Variants in LRP2 observed in about 807,000 individuals in gnomAD.
The protein encoded by LRP2 is low-density lipoprotein receptor-related protein 2.
A neutral mutation model predicts 531.0 loss-of-function variants in LRP2; 172 were observed. That is an observed-to-expected ratio of 0.32 (90% CI 0.29 to 0.37). LRP2 has a LOEUF of 0.37. LRP2 is among the 10% of genes least tolerant of loss of function. LRP2 has a pLI of 1.00. For missense variants in LRP2, 5,167 were observed against 5,868.3 expected, an observed-to-expected ratio of 0.88 and a Z score of 3.90; for synonymous variants, 1,992 against 2,027.6, an observed-to-expected ratio of 0.98 and a Z score of 0.47.
chr2:169,328,475 G>GAAATAAAT (rs1246710562), intron 1 of LRP2, among the ~76,000 whole-genome samples: 4 of 129,534 alleles, frequency 3.1e-5, no homozygotes, highest in South Asian at 2.5e-4. Flanking sequence ...GAAAAAAAAA[G>GAAATAAAT]AAATAAATAA....
rs767550139 is a variant in LRP2, at chr2:169,279,410, C to A, written c.1527G>T (p.Leu509Phe). 6.2e-7 allele frequency: 1 copy of A among 1,613,968 alleles called. No individual in the cohort carries two copies. The highest frequency in any genetic ancestry group is 8.5e-7 in the Non-Finnish European group (1 of 1,179,966). ...CCACGGCAATTCCTCTAGGATGCCC[C>A]AAGTTTTCAGTTATAAGGGTAACCC... The part of the protein sequence containing the change: ...SYRVTLITEN[L>F]GHPRGIAVDP... Residue 509 changes from leucine to phenylalanine, a missense_variant, in exon 12 of 79, where the codon TTG becomes TTT. Physicochemically the swap from Leu to Phe is conservative, Grantham distance 22. Around this residue, in one of 6 missense-constraint regions of LRP2, gnomAD observed 2,811 missense variants for 3,058.0 expected, o/e 0.92. Transcript: ENST00000649046.
At position 169,212,062 on chromosome 2, in the gene LRP2, G is replaced by A. The variant is rs1407244802; in HGVS notation, c.6186C>T (p.Asn2062=). 4 of 1,614,032 alleles carry A rather than the reference G, an allele frequency of 2.5e-6. No individual in the cohort carries two copies. Among genetic ancestry groups the A allele is most frequent in the Non-Finnish European group, 2.5e-6 (3 of 1,179,944 alleles). ...NPDNRSCSPY[N]SFIVVSMLSA... ...ACAGCATTGAAACAACAATGAAAGAGTTATATGGAGAGCAGGACCGATTAT... is the reference window on the plus strand; with the variant it reads ...ACAGCATTGAAACAACAATGAAAGAATTATATGGAGAGCAGGACCGATTAT... The change falls in exon 37 of 79, where the codon AAC becomes AAT. Residue 2062 remains asparagine (N), a synonymous_variant. Transcript: ENST00000649046.
chr2:169,201,909 T>C (rs1259888048), intron 43 of LRP2, 39 bp from the exon 44 acceptor site: 1 of 1,612,140 alleles, frequency 6.2e-7, no homozygotes, highest in Non-Finnish European at 8.5e-7. Context: ...CCCTCTTGAT[T>C]AAAACATTAT....
At chr2:169,237,008 T>A (rs1689630436) in intron 28 of LRP2, 95 bp downstream of exon 28, 2 of 1,056,456 alleles carry the variant, frequency 1.9e-6, no homozygotes, top group Non-Finnish European at 2.9e-6. Flanking sequence ...AAATTTTGCA[T>A]ATCAGCAACA....
chr2:169,141,290 G>A (rs1309188564), intron 71 of LRP2, among the ~76,000 whole-genome samples: 1 of 152,088 alleles, frequency 6.6e-6, no homozygotes, highest in Non-Finnish European at 1.5e-5. Flanking sequence ...CTATCTAAAG[G>A]ACAATCCCCA....
rs552832585 is a variant in LRP2 at position 169,300,481 on chromosome 2, T to A, written c.428-5771A>T. On this transcript the variant is annotated intron_variant, in intron 4 of 78. Coordinates refer to ENST00000649046, the MANE Select transcript of LRP2 (RefSeq NM_004525.3). ...GATATATCACATATGTAAAAAAAAT[T>A]TTTTTAAAGAAAGAAACAGGACGAG... Among the ~76,000 whole-genome samples the A allele has an allele frequency of 1.1e-3, 166 of 151,980 alleles. 6 individuals are homozygous for A. The highest frequency in any genetic ancestry group is 0.011 in the Admixed American group (160 of 15,238).
chr2:169,260,038 A>G (rs748658442), intron 16 of LRP2, among the ~76,000 whole-genome samples: 25 of 152,132 alleles, frequency 1.6e-4, no homozygotes, highest in Non-Finnish European at 2.6e-4. Context: ...CAGAAACTGG[A>G]CCAAGTATTC....
chr2:169,353,441 C>G (rs1451119416), intron 1 of LRP2, among the ~76,000 whole-genome samples: 1 of 152,150 alleles, frequency 6.6e-6, no homozygotes, highest in East Asian at 1.9e-4. Context: ...CTGAACCCCA[C>G]TCTGCCTCAG....
intron 19 of LRP2, among the ~76,000 whole-genome samples, chr2:169,248,374 C>G (rs1690097626): frequency 6.6e-6 from 1 of 152,174 alleles, no homozygotes; most frequent in Admixed American, 6.5e-5. Flanking sequence ...ATTTCCTTAT[C>G]TGTGGTCTAA....
intron 61 of LRP2, 71 bp downstream of exon 61, chr2:169,168,468 G>GAGT: frequency 6.3e-7 from 1 of 1,582,814 alleles, no homozygotes; most frequent in Non-Finnish European, 8.7e-7. Context: ...AGGCTCACAT[G>GAGT]CTACACGTAA....
intron 1 of LRP2, among the ~76,000 whole-genome samples, chr2:169,330,365 T>C (rs951035877): frequency 2.0e-5 from 3 of 152,236 alleles, no homozygotes; most frequent in African/African-American, 7.2e-5. Flanking sequence ...GATGTACTAC[T>C]TGAGCAGCCT....
At chr2:169,188,430 C>T (rs1013394817) in intron 48 of LRP2, among the ~76,000 whole-genome samples, 165 bp from the exon 49 acceptor site, 2 of 152,160 alleles carry the variant, frequency 1.3e-5, no homozygotes, top group African/African-American at 4.8e-5. Context: ...TCTTCGTCTA[C>T]CCCACTAATC....
chr2:169,356,423 GTAA>G (rs1468982688), intron 1 of LRP2, among the ~76,000 whole-genome samples: 1 of 152,150 alleles, frequency 6.6e-6, no homozygotes, highest in African/African-American at 2.4e-5. Flanking sequence ...CTCGTATTGG[GTAA>G]TAATGATGAA....
At chr2:169,142,129 G>A (rs906499434) in intron 71 of LRP2, among the ~76,000 whole-genome samples, 2 of 152,098 alleles carry the variant, frequency 1.3e-5, no homozygotes, top group African/African-American at 4.8e-5. Flanking sequence ...GCCCCCATCC[G>A]GCTTATTAAC....
intron 1 of LRP2, among the ~76,000 whole-genome samples, chr2:169,332,829 T>C (rs1172518128): frequency 6.6e-6 from 1 of 152,196 alleles, no homozygotes; most frequent in Admixed American, 6.5e-5. Context: ...ACAACTCTTA[T>C]CAGAAATGTT....
In LRP2 at chr2:169,341,118, A is replaced by G. The variant is rs138024484; in HGVS notation, c.80-20234T>C. Among the ~76,000 whole-genome samples, 5 of 152,296 alleles carry G rather than the reference A, an allele frequency of 3.3e-5. No individual in the cohort carries two copies. In the East Asian group the frequency reaches 9.6e-4, roughly 29 times the overall value. ...CAGTGGATATCAAGAAAGGTCCTGT[A>G]GAGAAAGGTGCATTTAAGCTACAGA... On this transcript the variant is annotated intron_variant, in intron 1 of 78. Coordinates refer to ENST00000649046, the MANE Select transcript of LRP2 (RefSeq NM_004525.3).
At chr2:169,291,662 G>A (rs953041364) in intron 7 of LRP2, among the ~76,000 whole-genome samples, 5 of 151,386 alleles carry the variant, frequency 3.3e-5, no homozygotes, top group Admixed American at 6.6e-5. Flanking sequence ...TCCTTCTCAC[G>A]GAATCTTTAA....
intron 52 of LRP2, among the ~76,000 whole-genome samples, chr2:169,178,421 T>C (rs1004784722): frequency 6.6e-6 from 1 of 152,138 alleles, no homozygotes; most frequent in African/African-American, 2.4e-5. Context: ...TCCAACACCA[T>C]TGGAAGAAAT....
At chr2:169,135,743 T>C (rs1558970429) in intron 76 of LRP2, among the ~76,000 whole-genome samples, 1 of 152,140 alleles carries the variant, frequency 6.6e-6, no homozygotes, top group South Asian at 2.1e-4. Context: ...AGCTCCTGTA[T>C]AGACGCTCCT....
Sources: allele counts gnomAD v4.1 joint callset (sites outside exome capture counted in the v4.1 genomes callset), GRCh38; gene constraint gnomAD v4.1.1; regional missense constraint gnomAD v4.1.1; transcripts MANE v1.5; gene names NCBI Gene and HGNC (gene_info 2026-07-23, HGNC 2026-07-21).